The following SCN11A variants were observed in gnomAD, a reference collection of about 807,000 sequenced individuals.
SCN11A encodes sodium voltage-gated channel alpha subunit 11.
A neutral mutation model predicts 162.2 loss-of-function variants in SCN11A; 122 were observed. The ratio of observed to expected loss-of-function variants is 0.75; its 90% CI spans 0.65 to 0.87. The LOEUF (loss-of-function observed/expected upper bound fraction) is 0.87. Among genes scored for constraint, SCN11A ranks in the 40% least tolerant of loss-of-function variants. The pLI, the probability that SCN11A is intolerant of heterozygous loss-of-function variation, is 0.00. For synonymous variants in SCN11A, 758 were observed against 751.5 expected (o/e 1.01, Z -0.14); for missense variants, 2,015 against 2,181.6 (o/e 0.92, Z 1.52).
chr3:38,906,853 C>T (rs568643634), intron 14 of SCN11A, among the ~76,000 whole-genome samples: 1 of 152,240 alleles, frequency 6.6e-6, no homozygotes, highest in African/African-American at 2.4e-5. Context: ...CTTTTGTGAT[C>T]CCCCAACTGA....
chr3:38,909,168 T>C lies in SCN11A; in HGVS notation c.1128A>G (p.Ser376=), dbSNP rs2065848917. 1 of 1,614,086 alleles carries C rather than the reference T, an allele frequency of 6.2e-7. No individual in the cohort carries two copies. The highest frequency in any genetic ancestry group is 1.3e-5 in the African/African-American group (1 of 75,026). Residue 376 remains serine (S), a synonymous_variant, in exon 13 of 30, where the codon TCA becomes TCG. Transcript: ENST00000302328. ...AAATGACCACAATGAAGAAGAAGAC[T>C]GAGTAGAGCCCAGTAGTACGCAGGG... ...QQTLRTTGLY[S]VFFFIVVIFL...
intron 2 of SCN11A, among the ~76,000 whole-genome samples, chr3:38,995,819 G>GTCTATCTATCTATCTA (rs373221139): frequency 0.062 from 8,744 of 141,702 alleles, 303 homozygotes; most frequent in East Asian, 0.16. Flanking sequence ...CTATCTATCT[G>GTCTATCTATCTATCTA]TCTATCTATC....
At chr3:38,993,509 G>A (rs773575951) in intron 2 of SCN11A, among the ~76,000 whole-genome samples, 1 of 152,132 alleles carries the variant, frequency 6.6e-6, no homozygotes, top group Non-Finnish European at 1.5e-5. Flanking sequence ...GACGGAAATT[G>A]GTTTTACTAT....
chr3:39,045,567 G>A (rs144192983), intron 1 of SCN11A, among the ~76,000 whole-genome samples: 1 of 152,210 alleles, frequency 6.6e-6, no homozygotes, highest in Non-Finnish European at 1.5e-5. Flanking sequence ...AATCAATGCA[G>A]AAAAGGCATT....
intron 2 of SCN11A, among the ~76,000 whole-genome samples, chr3:39,019,238 A>C (rs1451099196): frequency 6.6e-6 from 1 of 152,096 alleles, no homozygotes; most frequent in African/African-American, 2.4e-5. Context: ...GTTTTTTTGC[A>C]TGTCCGATAA....
At chr3:38,990,163 A>G (rs1389461458) in intron 2 of SCN11A, among the ~76,000 whole-genome samples, 1 of 152,204 alleles carries the variant, frequency 6.6e-6, no homozygotes, top group Non-Finnish European at 1.5e-5. Context: ...AGTTGGCTCT[A>G]AATTTTGGCA....
intron 2 of SCN11A, among the ~76,000 whole-genome samples, chr3:38,982,552 A>G (rs1176191696): frequency 6.6e-6 from 1 of 152,226 alleles, no homozygotes; most frequent in African/African-American, 2.4e-5. Context: ...TATTGCTTTT[A>G]TACGAACAAC....
chr3:38,915,197 T>C (rs939924184), intron 11 of SCN11A, among the ~76,000 whole-genome samples: 1 of 152,168 alleles, frequency 6.6e-6, no homozygotes, highest in Non-Finnish European at 1.5e-5. Flanking sequence ...CAGTTCAGTC[T>C]TGGCAGGGTG....
At position 38,985,253 on chromosome 3, in the gene SCN11A, G is replaced by A. The variant is rs1340776618; in HGVS notation, c.-279-24830C>T. On this transcript the variant is annotated intron_variant, in intron 2 of 29. Transcript: ENST00000302328. ...TGCCATTCTCCTGCCTTAGCCTCCC[G>A]AGTAGCTGGGACTACAGGCACCCGC... 2.5e-4 allele frequency among the ~76,000 whole-genome samples: 37 copies of A among 146,904 alleles called. 2 individuals carry two copies. Among genetic ancestry groups the A allele is most frequent in the Non-Finnish European group, 4.9e-4 (33 of 67,374 alleles).
intron 3 of SCN11A, among the ~76,000 whole-genome samples, chr3:38,957,018 C>T (rs1236272019): frequency 6.6e-6 from 1 of 152,088 alleles, no homozygotes; most frequent in Non-Finnish European, 1.5e-5. Flanking sequence ...AGCTAAATTC[C>T]TCATCTCCCA....
chr3:39,011,479 C>T (rs971217827), intron 2 of SCN11A, among the ~76,000 whole-genome samples: 2 of 152,178 alleles, frequency 1.3e-5, no homozygotes, highest in African/African-American at 4.8e-5. Context: ...GTCCTCAGTT[C>T]CCTTTTATCT....
intron 19 of SCN11A, among the ~76,000 whole-genome samples, chr3:38,892,627 C>T (rs2126114453): frequency 6.6e-6 from 1 of 151,960 alleles, no homozygotes; most frequent in East Asian, 1.9e-4. Context: ...ATTTTCTCAG[C>T]TCCTTCAGTA....
chr3:38,855,922 G>A (rs2064861456), intron 28 of SCN11A, among the ~76,000 whole-genome samples: 1 of 152,150 alleles, frequency 6.6e-6, no homozygotes, highest in Non-Finnish European at 1.5e-5. Context: ...CACCACCCCA[G>A]AGCCTAGTAG....
intron 2 of SCN11A, among the ~76,000 whole-genome samples, chr3:39,028,243 T>C (rs1361922735): frequency 6.6e-6 from 1 of 152,180 alleles, no homozygotes; most frequent in African/African-American, 2.4e-5. Context: ...TCACTGAAGA[T>C]CTACCTCATT....
At chr3:38,935,017 T>C (rs569961837) in intron 7 of SCN11A, among the ~76,000 whole-genome samples, 4 of 152,048 alleles carry the variant, frequency 2.6e-5, no homozygotes, top group East Asian at 1.9e-4. Context: ...TCAGAAATTA[T>C]AACAAACTGT....
In SCN11A at chr3:38,950,173, TG is replaced by T. The variant is rs759790310; in HGVS notation, c.189del (p.Lys64SerfsTer11). 4 of 1,611,944 alleles carry T rather than the reference TG, an allele frequency of 2.5e-6. No homozygotes were observed. The highest frequency in any genetic ancestry group is 3.4e-6 in the Non-Finnish European group (4 of 1,179,664). On this transcript the variant is annotated frameshift_variant, in exon 5 of 30. Transcript: ENST00000302328. LOFTEE classifies it high-confidence loss of function. ...QLDLKASRKL[P>X]KLYGDIPREL... Reference sequence around the variant, plus strand: ...TCACGAGGAATGTCGCCATAGAGCTTGGGCAACTTCCTGGAGGCCTTTAGGT... The same window carrying T: ...TCACGAGGAATGTCGCCATAGAGCTTGGCAACTTCCTGGAGGCCTTTAGGT...
chr3:38,929,119 T>G, intron 7 of SCN11A, among the ~76,000 whole-genome samples: 1 of 100,980 alleles, frequency 9.9e-6, no homozygotes, highest in African/African-American at 4.1e-5. Flanking sequence ...CTGTCAAAAA[T>G]ACTGGGTCTG....
Position 38,880,049 on chromosome 3 carries a change from T to C in SCN11A, c.3294A>G (p.Thr1098=), listed in dbSNP as rs763719409. ...GTACCATCTCCAGGATAAAAATATG[T>C]GTAAAAATAATGTCAGTACAATTTA... ...ELLNCTDIIF[T]HIFILEMVLK... Residue 1098 remains threonine, a synonymous_variant, in exon 23 of 30, where the codon ACA becomes ACG. Coordinates refer to ENST00000302328, the MANE Select transcript of SCN11A (RefSeq NM_001349253.2). 1 of 1,610,854 alleles carries C rather than the reference T, an allele frequency of 6.2e-7. No individual in the cohort carries two copies. The highest frequency in any genetic ancestry group is 2.2e-5 in the East Asian group (1 of 44,828).
chr3:38,862,452 A>T (rs1404641227), intron 28 of SCN11A, among the ~76,000 whole-genome samples: 2 of 152,146 alleles, frequency 1.3e-5, no homozygotes, highest in Non-Finnish European at 1.5e-5. Context: ...ACATGTTTGT[A>T]GCAGCACAAT....
Sources: allele counts gnomAD v4.1 joint callset (sites outside exome capture counted in the v4.1 genomes callset), GRCh38; gene constraint gnomAD v4.1.1; transcripts MANE v1.5; gene names NCBI Gene and HGNC (gene_info 2026-07-23, HGNC 2026-07-21).